The following SLC35E4 variants were observed in gnomAD, a reference collection of about 807,000 sequenced individuals.
SLC35E4 encodes solute carrier family 35 member E4.
A neutral mutation model predicts 19.3 loss-of-function variants in SLC35E4; 15 were observed. The ratio of observed to expected loss-of-function variants is 0.78; its 90% CI spans 0.52 to 1.20. The LOEUF is 1.20. Ranked by LOEUF, SLC35E4 falls within the 50% of genes most tolerant of loss-of-function variation. The pLI is 0.00. For missense variants in SLC35E4, 406 were observed against 472.3 expected, an observed-to-expected ratio of 0.86 and a Z score of 1.30; for synonymous variants, 219 against 219.9, an observed-to-expected ratio of 1.00 and a Z score of 0.04.
chr22:30,646,447 A>G, intron 1 of SLC35E4, 151 bp from the exon 2 acceptor site: 1 of 934,046 alleles, frequency 1.1e-6, no homozygotes, highest in Non-Finnish European at 1.6e-6. Flanking sequence ...TCTGACTCCA[A>G]CTCTTGACTG....
chr22:30,653,985 G>GT (rs71814511), intron 2 of SLC35E4: 30,817 of 143,360 alleles, frequency 0.21, 3,575 homozygotes, highest in African/African-American at 0.3. Context: ...TTGTTTTTTT[G>GT]TTTTTTTTTT....
chr22:30,659,985 C>A (rs927028130), intron 2 of SLC35E4, among the ~76,000 whole-genome samples: 14 of 152,176 alleles, frequency 9.2e-5, no homozygotes. Context: ...AAAAGGCCAA[C>A]CCCCAGCTGA....
At chr22:30,650,910 C>T (rs768785128), downstream of SLC35E4, among the ~76,000 whole-genome samples, 13 of 151,978 alleles carry the variant, frequency 8.6e-5, no homozygotes, top group Admixed American at 1.3e-4. Flanking sequence ...TTGTGGACTT[C>T]GAAACAAAGA....
downstream of SLC35E4, chr22:30,663,971 C>G (rs150392282): frequency 8.4e-5 from 135 of 1,614,004 alleles, no homozygotes; most frequent in Non-Finnish European, 1.1e-4. Context: ...GCTGCCGGAA[C>G]TGAACTGGGA....
intron 2 of SLC35E4, among the ~76,000 whole-genome samples, chr22:30,658,522 T>C (rs1722300823): frequency 6.6e-6 from 1 of 152,002 alleles, no homozygotes; most frequent in South Asian, 2.1e-4. Flanking sequence ...CCGTTGCCTT[T>C]TTTCTCTCTT....
chr22:30,643,714 C>T (rs1362631913), intron 1 of SLC35E4, among the ~76,000 whole-genome samples: 2 of 152,044 alleles, frequency 1.3e-5, no homozygotes, highest in Admixed American at 6.6e-5. Flanking sequence ...GAGACTGAGG[C>T]GTGGAGAGAG....
downstream of SLC35E4, chr22:30,663,707 A>G (rs1569071832): frequency 6.2e-7 from 1 of 1,614,260 alleles, no homozygotes; most frequent in Non-Finnish European, 8.5e-7. Flanking sequence ...GCAGCAAAGT[A>G]CGGCCCTGCT....
downstream of SLC35E4, chr22:30,652,378 A>G (rs1405867850): frequency 6.6e-6 from 1 of 152,216 alleles, no homozygotes; most frequent in African/African-American, 2.4e-5. Flanking sequence ...CATGACTCCT[A>G]AGCCATAATT....
chr22:30,653,447 C>T (rs975154868), intron 2 of SLC35E4, among the ~76,000 whole-genome samples: 2 of 151,784 alleles, frequency 1.3e-5, no homozygotes, highest in Admixed American at 1.3e-4. Flanking sequence ...TCTCGGCTCA[C>T]TGCAACCTCC....
At chr22:30,667,938 C>G (rs2088742435), downstream of SLC35E4, 1 of 152,536 alleles carries the variant, frequency 6.6e-6, no homozygotes, top group Non-Finnish European at 1.5e-5. Context: ...GGCAACGCGC[C>G]GCGCGGGGCT....
Position 30,636,175 on chromosome 22 carries a change from C to T in SLC35E4, c.-276C>T, listed in dbSNP as rs533744599. On this transcript the variant is annotated 5_prime_UTR_variant, in exon 1 of 2. In the 5' UTR this introduces an upstream ATG that the reference lacks. Transcript: ENST00000343605. ...GGAGGAAAGTGGAGACCACCTGGCA[C>T]GGGGCAGAGGTGCCTGGAGCCCACG... 51 of 431,646 alleles carry T rather than the reference C, an allele frequency of 1.2e-4. No individual in the cohort carries two copies. In the South Asian group the frequency reaches 3.0e-3, roughly 26 times the overall value. 26.7% of individuals were successfully genotyped at this position (431,646 alleles called of 1,614,324 possible).
intron 2 of SLC35E4, among the ~76,000 whole-genome samples, chr22:30,660,320 T>C (rs2088431966): frequency 6.6e-6 from 1 of 151,808 alleles, no homozygotes; most frequent in Non-Finnish European, 1.5e-5. Flanking sequence ...AATTTTTTTT[T>C]TGAAACACAG....
chr22:30,656,221 C>T (rs1025891955), intron 2 of SLC35E4, among the ~76,000 whole-genome samples: 1 of 152,004 alleles, frequency 6.6e-6, no homozygotes, highest in Non-Finnish European at 1.5e-5. Flanking sequence ...AAGTGATCCT[C>T]CTGCCTCAGC....
intron 2 of SLC35E4, among the ~76,000 whole-genome samples, chr22:30,660,841 ATT>A (rs201034099): frequency 4.2e-5 from 6 of 144,224 alleles, no homozygotes; most frequent in Admixed American, 6.9e-5. Context: ...GCATAGAACA[ATT>A]TTTTTTTTTT....
At chr22:30,663,081 T>C (rs2088522562) in exon 3 of SLC35E4, 1 of 213,586 alleles carries the variant, frequency 4.7e-6, no homozygotes. Flanking sequence ...TGAGGTGGAA[T>C]TGTAGCAGAT....
At chr22:30,651,187 A>T (rs1414815897), downstream of SLC35E4, among the ~76,000 whole-genome samples, 1 of 151,216 alleles carries the variant, frequency 6.6e-6, no homozygotes, top group African/African-American at 2.4e-5. Context: ...GTTTTGAGCC[A>T]TGATCTTTTA....
intron 2 of SLC35E4, among the ~76,000 whole-genome samples, chr22:30,659,900 AGT>A (rs2088424556): frequency 1.3e-5 from 2 of 152,236 alleles, no homozygotes; most frequent in African/African-American, 2.4e-5. Context: ...AAGTATTTAA[AGT>A]GTGAGAAGAA....
chr22:30,650,050 G>C (rs1425480823), downstream of SLC35E4, among the ~76,000 whole-genome samples: 1 of 149,560 alleles, frequency 6.7e-6, no homozygotes, highest in Non-Finnish European at 1.5e-5. Context: ...GCTTGGGTTT[G>C]GTGGGATGTG....
chr22:30,650,428 A>T (rs950214060), downstream of SLC35E4, among the ~76,000 whole-genome samples: 2 of 152,168 alleles, frequency 1.3e-5, no homozygotes, highest in South Asian at 4.1e-4. Context: ...CCTAGGAGGC[A>T]GAGATTGCTG....
Sources: allele counts gnomAD v4.1 joint callset (sites outside exome capture counted in the v4.1 genomes callset), GRCh38; gene constraint gnomAD v4.1.1; transcripts MANE v1.5; gene names NCBI Gene and HGNC (gene_info 2026-07-23, HGNC 2026-07-21).